The following GABRA4 variants were observed in gnomAD, a reference collection of about 807,000 sequenced individuals.
The protein encoded by GABRA4 is gamma-aminobutyric acid receptor subunit alpha-4.
GABRA4 carries 12 observed loss-of-function variants against 49.7 expected under a neutral mutation model. The ratio of observed to expected loss-of-function variants is 0.24; its 90% confidence interval spans 0.15 to 0.39. The LOEUF (loss-of-function observed/expected upper bound fraction) is 0.39. GABRA4 is among the 10% of genes least tolerant of loss of function. GABRA4 has a pLI of 1.00. For synonymous variants in GABRA4, 288 were observed against 240.2 expected, an observed-to-expected ratio of 1.20 and a Z score of -1.84; for missense variants, 506 against 686.0, an observed-to-expected ratio of 0.74 and a Z score of 2.93.
At chr4:46,929,967 A>G (rs1365985151) in intron 8 of GABRA4, among the ~76,000 whole-genome samples, 11 of 152,084 alleles carry the variant, frequency 7.2e-5, no homozygotes, top group Admixed American at 7.2e-4. Flanking sequence ...CAATTAATTG[A>G]AATCTCACTT....
At chr4:46,936,465 G>T (rs192596643) in intron 8 of GABRA4, among the ~76,000 whole-genome samples, 1 of 152,098 alleles carries the variant, frequency 6.6e-6, no homozygotes, top group South Asian at 2.1e-4. Context: ...TGTCAGGCTG[G>T]TCTCGAACTC....
intron 8 of GABRA4, among the ~76,000 whole-genome samples, chr4:46,950,456 C>A (rs111653325): frequency 6.6e-6 from 1 of 151,888 alleles, no homozygotes; most frequent in Non-Finnish European, 1.5e-5. Flanking sequence ...TAAAAAGAAG[C>A]GACTAATAAG....
chr4:46,943,385 C>A (rs1031218188), intron 8 of GABRA4, among the ~76,000 whole-genome samples: 7 of 152,108 alleles, frequency 4.6e-5, no homozygotes, highest in Non-Finnish European at 8.8e-5. Context: ...AGACATTCAA[C>A]ATTTTTCACC....
At chr4:46,957,316 T>C (rs969119170) in intron 8 of GABRA4, among the ~76,000 whole-genome samples, 1 of 151,936 alleles carries the variant, frequency 6.6e-6, no homozygotes, top group Non-Finnish European at 1.5e-5. Context: ...TGAATTATTA[T>C]TTATACATTC....
intron 5 of GABRA4, among the ~76,000 whole-genome samples, chr4:46,975,205 CTAAAA>C (rs1577785969): frequency 6.6e-6 from 1 of 152,028 alleles, no homozygotes; most frequent in East Asian, 1.9e-4. Flanking sequence ...CCAAACCATC[CTAAAA>C]TGGCTATAGC....
Position 46,925,484 on chromosome 4 carries a change from T to C in GABRA4, c.*2741A>G, listed in dbSNP as rs1316562645. 1 of 151,772 alleles carries C rather than the reference T, an allele frequency of 6.6e-6. No individual in the cohort carries two copies. Among genetic ancestry groups the C allele is most frequent in the Non-Finnish European group, 1.5e-5 (1 of 67,808 alleles). The allele number at this position is 151,772 out of a possible 1,614,324, so 9.4% of individuals were successfully genotyped here. A position where few individuals can be genotyped will look rare whatever the true frequency, so the allele number is the denominator to read the frequency against. ...CTGAATTTCATCTTTAAAAGAGTTA[T>C]ATAAAGGTACCATTCTCAGCCAAAA... On this transcript the variant is annotated 3_prime_UTR_variant, in exon 9 of 9. Transcript: ENST00000264318.
chr4:46,935,933 A>C (rs1448041658), intron 8 of GABRA4, among the ~76,000 whole-genome samples: 1 of 152,214 alleles, frequency 6.6e-6, no homozygotes, highest in Non-Finnish European at 1.5e-5. Flanking sequence ...GAAAAATCAA[A>C]ATTCATATAG....
rs537355926 is a variant in GABRA4 at position 46,919,406 on chromosome 4, C to T, written c.*8819G>A. Reference sequence around the variant, plus strand: ...AATTTCAGGGAGTCAAATGTGATTACTAAAACCTCAAGAAATGTGTTCTTG... The same window carrying T: ...AATTTCAGGGAGTCAAATGTGATTATTAAAACCTCAAGAAATGTGTTCTTG... On this transcript the variant is annotated 3_prime_UTR_variant, in exon 9 of 9. Transcript: ENST00000264318. The T allele has an allele frequency of 6.6e-6, 1 of 151,426 alleles. No individual in the cohort carries two copies. Among genetic ancestry groups the T allele is most frequent in the African/African-American group, 2.4e-5 (1 of 41,366 alleles). 9.4% of individuals were successfully genotyped at this position (151,426 alleles called of 1,614,324 possible).
chr4:46,991,343 C>T (rs1723737921), intron 2 of GABRA4, among the ~76,000 whole-genome samples: 2 of 152,156 alleles, frequency 1.3e-5, no homozygotes, highest in Non-Finnish European at 2.9e-5. Context: ...ATCACTTTCC[C>T]TTTCTAAACC....
At chr4:46,992,343 T>C (rs1162544115) in intron 2 of GABRA4, among the ~76,000 whole-genome samples, 3 of 152,202 alleles carry the variant, frequency 2.0e-5, no homozygotes, top group Non-Finnish European at 4.4e-5. Flanking sequence ...GACTGGGTTC[T>C]CTAGCAGAGC....
intron 7 of GABRA4, among the ~76,000 whole-genome samples, chr4:46,967,371 A>G (rs1722800602): frequency 6.6e-6 from 1 of 151,160 alleles, no homozygotes; most frequent in South Asian, 2.1e-4. Context: ...TTTTTTTGTA[A>G]TAGGACTATT....
At chr4:46,955,159 C>T (rs10004131) in intron 8 of GABRA4, among the ~76,000 whole-genome samples, 35,922 of 151,878 alleles carry the variant, frequency 0.24, 4,408 homozygotes, top group Non-Finnish European at 0.28. Context: ...AATAAATGAA[C>T]AAATATACTA....
At chr4:46,970,118 C>T (rs146308413) in intron 7 of GABRA4, among the ~76,000 whole-genome samples, 2 of 151,412 alleles carry the variant, frequency 1.3e-5, no homozygotes, top group African/African-American at 2.4e-5. Flanking sequence ...CTAAGACACC[C>T]TAATCAATAG....
At chr4:46,988,836 T>G (rs1025557862) in intron 2 of GABRA4, among the ~76,000 whole-genome samples, 4 of 152,168 alleles carry the variant, frequency 2.6e-5, no homozygotes, top group African/African-American at 9.7e-5. Context: ...ACCAGCTGCC[T>G]GACTAAGGTT....
At chr4:46,964,840 T>C (rs1722696193) in intron 8 of GABRA4, 130 bp downstream of exon 8, 2 of 1,006,450 alleles carry the variant, frequency 2.0e-6, no homozygotes, top group South Asian at 1.9e-5. Context: ...GTTACTTTTA[T>C]GTTTTTCTGT....
At chr4:46,970,711 A>G (rs1577781787) in intron 7 of GABRA4, among the ~76,000 whole-genome samples, 1 of 94,844 alleles carries the variant, frequency 1.1e-5, no homozygotes, top group South Asian at 2.5e-4. Flanking sequence ...CATGACTTTT[A>G]TTTGTTTTAT....
At chr4:46,957,334 A>T (rs1221425147) in intron 8 of GABRA4, among the ~76,000 whole-genome samples, 1 of 151,976 alleles carries the variant, frequency 6.6e-6, no homozygotes, top group African/African-American at 2.4e-5. Flanking sequence ...TTCTTTTTTT[A>T]ACATAATCTT....
At chr4:46,963,008 G>A (rs1458284871) in intron 8 of GABRA4, among the ~76,000 whole-genome samples, 1 of 151,752 alleles carries the variant, frequency 6.6e-6, no homozygotes, top group Non-Finnish European at 1.5e-5. Context: ...AGAAAACATT[G>A]AGGGAAATCT....
At chr4:46,949,021 A>G (rs1447045791) in intron 8 of GABRA4, among the ~76,000 whole-genome samples, 7 of 152,250 alleles carry the variant, frequency 4.6e-5, no homozygotes, top group Non-Finnish European at 5.9e-5. Context: ...ACCGTCTTAC[A>G]TTATAGAACA....
Sources: gnomAD v4.1 joint callset for allele counts (sites outside exome capture counted in the v4.1 genomes callset) on GRCh38, gnomAD v4.1.1 for gene constraint, MANE v1.5 for transcripts, NCBI Gene and HGNC (gene_info 2026-07-23, HGNC 2026-07-21) for gene names.